CYREN: variants seen among roughly 807,000 people sequenced by gnomAD.
The protein encoded by CYREN is cell cycle regulator of non-homologous end joining.
In CYREN, 7 loss-of-function variants were observed where a neutral mutation model predicts 9.7. That is an observed-to-expected ratio of 0.72 (90% CI 0.41 to 1.36). CYREN has a LOEUF of 1.36. Among genes scored for constraint, CYREN ranks in the 40% most tolerant of loss-of-function variants. CYREN has a pLI of 0.01. For synonymous variants in CYREN, 76 were observed against 77.9 expected, an observed-to-expected ratio of 0.98 and a Z score of 0.13; for missense variants, 215 against 198.1, an observed-to-expected ratio of 1.09 and a Z score of -0.51.
chr7:135,137,979 G>A (rs945715557), intron 2 of CYREN, among the ~76,000 whole-genome samples: 2 of 151,872 alleles, frequency 1.3e-5, no homozygotes, highest in African/African-American at 2.4e-5. Flanking sequence ...CAAAGGTCCT[G>A]TCTTCTAATA....
At chr7:135,156,446 C>G (rs1829795645) in intron 2 of CYREN, among the ~76,000 whole-genome samples, 1 of 151,936 alleles carries the variant, frequency 6.6e-6, no homozygotes, top group Non-Finnish European at 1.5e-5. Flanking sequence ...TTTCAAAAGT[C>G]CTGTCTTCGA....
Position 135,166,827 on chromosome 7 carries a change from C to T in CYREN, c.258G>A (p.Gly86=), listed in dbSNP as rs777535100. ...GAGGGGAGTGCTCTGGGTTATCAGC[C>T]CCCGCCAGGGCCGGCTGCTCGCAGG... ...EKACEQPALA[G]ADNPEHSPPC... Residue 86 remains glycine (G), a synonymous_variant, in exon 4 of 4, where the codon GGG becomes GGA. Coordinates refer to ENST00000393114, the MANE Select transcript of CYREN (RefSeq NM_024033.4). 3 of 1,614,014 alleles carry T rather than the reference C, an allele frequency of 1.9e-6. No individual in the cohort carries two copies. Among genetic ancestry groups the T allele is most frequent in the Non-Finnish European group, 1.7e-6 (2 of 1,180,012 alleles).
chr7:135,116,601 G>A (rs1324426560), intron 2 of CYREN, among the ~76,000 whole-genome samples: 1 of 152,170 alleles, frequency 6.6e-6, no homozygotes, highest in East Asian at 1.9e-4. Context: ...GACACCCTGG[G>A]GGAGGAGAGA....
chr7:135,106,217 A>G (rs549335127), intron 2 of CYREN, among the ~76,000 whole-genome samples: 2 of 152,150 alleles, frequency 1.3e-5, no homozygotes, highest in East Asian at 3.9e-4. Context: ...GATGCTCTTT[A>G]TTTCTTTATC....
chr7:135,145,187 A>G (rs528956775), intron 2 of CYREN, among the ~76,000 whole-genome samples: 2 of 152,296 alleles, frequency 1.3e-5, no homozygotes, highest in African/African-American at 4.8e-5. Context: ...CAAAGCCTTC[A>G]AAATTATAAA....
intron 2 of CYREN, among the ~76,000 whole-genome samples, chr7:135,105,423 A>AG: frequency 6.6e-6 from 1 of 152,324 alleles, no homozygotes; most frequent in African/African-American, 2.4e-5. Flanking sequence ...GGTGTAAGGT[A>AG]GGGGTGCAGT....
Position 135,166,756 on chromosome 7 carries a change from TCCTC to T in CYREN, c.325_328del (p.Glu109LysfsTer39). 1 of 1,614,098 alleles carries T rather than the reference TCCTC, an allele frequency of 6.2e-7. No homozygotes were observed. The highest frequency in any genetic ancestry group is 8.5e-7 in the Non-Finnish European group (1 of 1,180,022). On this transcript the variant is annotated frameshift_variant, in exon 4 of 4. Transcript: ENST00000393114. LOFTEE classifies it low-confidence loss of function (END_TRUNC). The stretch of plus-strand genomic sequence containing the variant: ...CAGTGCCTGTTTCCCACTGTCCTCT[TCCTC>T]ACTGCTGCTCCCAGAACTTGTGTGA...
intron 2 of CYREN, among the ~76,000 whole-genome samples, chr7:135,139,663 T>C (rs1447410278): frequency 3.3e-5 from 5 of 152,110 alleles, no homozygotes; most frequent in African/African-American, 1.2e-4. Flanking sequence ...ATGTCCAAAA[T>C]GGTATTTTCC....
At chr7:135,147,159 T>C (rs1829563477) in intron 2 of CYREN, among the ~76,000 whole-genome samples, 2 of 152,198 alleles carry the variant, frequency 1.3e-5, no homozygotes, top group South Asian at 4.1e-4. Context: ...GTAGGTACTG[T>C]TTCCATTTTA....
At chr7:135,163,236 C>T (rs1829992682), downstream of CYREN, among the ~76,000 whole-genome samples, 2 of 152,154 alleles carry the variant, frequency 1.3e-5, no homozygotes, top group African/African-American at 2.4e-5. Context: ...TTACATTCAA[C>T]ATCATGATTA....
chr7:135,138,727 G>A (rs1213145209), intron 2 of CYREN, among the ~76,000 whole-genome samples: 3 of 151,660 alleles, frequency 2.0e-5, no homozygotes, highest in Non-Finnish European at 2.9e-5. Flanking sequence ...GTAGATTTTC[G>A]ATCCTCACCC....
chr7:135,110,196 A>G (rs1379462169), intron 2 of CYREN, among the ~76,000 whole-genome samples: 1 of 151,918 alleles, frequency 6.6e-6, no homozygotes, highest in Admixed American at 6.6e-5. Context: ...TCAGGGAGGT[A>G]CAACACTGCT....
At chr7:135,096,548 GA>G (rs1344510681) in intron 2 of CYREN, among the ~76,000 whole-genome samples, 1 of 84,424 alleles carries the variant, frequency 1.2e-5, no homozygotes, top group Non-Finnish European at 2.5e-5. Flanking sequence ...GAAAAAGAAA[GA>G]AAGAAAGAAA....
rs746257221 is a variant in CYREN, at chr7:135,155,912, G to A, written n.356+12837C>T. On this transcript the variant is annotated intron_variant and non_coding_transcript_variant, in intron 2 of 2. Coordinates refer to the CYREN transcript ENST00000459937. The stretch of plus-strand genomic sequence containing the variant: ...TTTAAGATCCTTTTGAGCATTTCCT[G>A]TAGTACCAGTCTAGTGGTGACAAAT... Among the ~76,000 whole-genome samples, 322 of 152,180 alleles carry A rather than the reference G, an allele frequency of 2.1e-3. 1 individual carries two copies. Among genetic ancestry groups the A allele is most frequent in the Non-Finnish European group, 3.3e-3 (223 of 68,024 alleles).
chr7:135,106,328 G>A (rs2117083252), intron 2 of CYREN, among the ~76,000 whole-genome samples: 1 of 152,274 alleles, frequency 6.6e-6, no homozygotes, highest in Middle Eastern at 3.4e-3. Flanking sequence ...AATGCTTCCA[G>A]CTTTTGCCCA....
At chr7:135,096,771 G>GAAAGAA (rs1321667016) in intron 2 of CYREN, among the ~76,000 whole-genome samples, 1 of 148,466 alleles carries the variant, frequency 6.7e-6, no homozygotes, top group Non-Finnish European at 1.5e-5. Context: ...AAGAAAGAAA[G>GAAAGAA]AAAGAAAGAA....
intron 2 of CYREN, among the ~76,000 whole-genome samples, chr7:135,160,078 A>G (rs1057327755): frequency 1.3e-5 from 2 of 152,270 alleles, no homozygotes; most frequent in Admixed American, 6.5e-5. Flanking sequence ...TCTAGTTCAC[A>G]TAGAATGATG....
At chr7:135,120,300 G>A (rs576520397) in intron 2 of CYREN, among the ~76,000 whole-genome samples, 4 of 152,106 alleles carry the variant, frequency 2.6e-5, no homozygotes, top group Non-Finnish European at 5.9e-5. Context: ...ATACATAAAA[G>A]ACATATTTAA....
At chr7:135,102,942 T>C (rs192005799) in intron 2 of CYREN, among the ~76,000 whole-genome samples, 268 of 152,292 alleles carry the variant, frequency 1.8e-3, no homozygotes, top group Admixed American at 4.8e-3. Flanking sequence ...ATCAAAATCA[T>C]TCTCTTTAAA....
Sources: gnomAD v4.1 joint callset for allele counts (sites outside exome capture counted in the v4.1 genomes callset) on GRCh38, gnomAD v4.1.1 for gene constraint, MANE v1.5 for transcripts, NCBI Gene and HGNC (gene_info 2026-07-23, HGNC 2026-07-21) for gene names.